COL4A4: variants seen among roughly 807,000 people sequenced by gnomAD.
COL4A4 encodes the protein collagen type IV alpha 4 chain.
COL4A4 carries 105 observed loss-of-function variants against 192.9 expected under a neutral mutation model. The observed-to-expected ratio is 0.54, with a 90% CI of 0.46 to 0.64. The LOEUF (loss-of-function observed/expected upper bound fraction) is 0.64. Among genes scored for constraint, COL4A4 ranks in the 30% least tolerant of loss-of-function variants. COL4A4 has a pLI of 0.00. For missense variants in COL4A4, 1,967 were observed against 2,169.3 expected, an observed-to-expected ratio of 0.91 and a Z score of 1.85; for synonymous variants, 762 against 769.9, an observed-to-expected ratio of 0.99 and a Z score of 0.17.
At chr2:226,974,955 G>A in the COL4A4 span, among the ~76,000 whole-genome samples, 1 of 152,184 alleles carries the variant, frequency 6.6e-6, no homozygotes, top group African/African-American at 2.4e-5. Context: ...TGGCACAGAT[G>A]AGGCCTAGTT....
At chr2:227,013,392 T>A (rs1235147020) in intron 44 of COL4A4, among the ~76,000 whole-genome samples, 2 of 152,182 alleles carry the variant, frequency 1.3e-5, no homozygotes, top group African/African-American at 4.8e-5. Context: ...TGACTGTATT[T>A]GGAGATAAGA....
At chr2:227,016,778 GC>G (rs768433921) in intron 44 of COL4A4, among the ~76,000 whole-genome samples, 2 of 152,160 alleles carry the variant, frequency 1.3e-5, no homozygotes, top group Non-Finnish European at 2.9e-5. Flanking sequence ...TGTCCGATAT[GC>G]TCCTGTTATG....
At chr2:227,096,584 T>C (rs1311730017) in intron 19 of COL4A4, among the ~76,000 whole-genome samples, 21 of 152,188 alleles carry the variant, frequency 1.4e-4, no homozygotes, top group Admixed American at 1.4e-3. Context: ...GTAGTAATAA[T>C]AGCTAATATA....
rs1443445766 is a variant in COL4A4 at position 227,008,117 on chromosome 2, C to A, written c.4710G>T (p.Glu1570Asp). 15 of 1,613,938 alleles carry A rather than the reference C, an allele frequency of 9.3e-6. No homozygotes were observed. The highest frequency in any genetic ancestry group is 8.5e-6 in the Non-Finnish European group (10 of 1,179,970). The change falls in exon 47 of 48, where the codon GAG becomes GAT. Residue 1570 changes from glutamate to aspartate, a missense_variant. Physicochemically the swap from Glu to Asp is conservative, Grantham distance 45. Transcript: ENST00000396625. Reference sequence around the variant, plus strand: ...GCACCGCCACCGCCTGGGCCGGGGCCTCGCATACCGCACAGCGGCTGACAT... The same window carrying A: ...GCACCGCCACCGCCTGGGCCGGGGCATCGCATACCGCACAGCGGCTGACAT... ...RPYVSRCAVC[E>D]APAQAVAVHS...
chr2:227,077,550 G>T (rs1401715671), intron 25 of COL4A4, among the ~76,000 whole-genome samples: 2 of 151,958 alleles, frequency 1.3e-5, no homozygotes, highest in African/African-American at 4.8e-5. Context: ...ATGCATGTGG[G>T]GCTTAAAACC....
chr2:227,037,879 A>G (rs1970008933), intron 37 of COL4A4, among the ~76,000 whole-genome samples: 1 of 152,188 alleles, frequency 6.6e-6, no homozygotes, highest in South Asian at 2.1e-4. Flanking sequence ...TTGGCCGCAT[A>G]AATGTCTTTT....
chr2:227,103,192 T>C lies in COL4A4; in HGVS notation c.822A>G (p.Ile274Met), dbSNP rs1211056075. The change falls in exon 14 of 48, where the codon ATA becomes ATG. Residue 274 changes from isoleucine (I) to methionine (M), a missense_variant. Physicochemically the swap from Ile to Met is conservative, Grantham distance 10. Coordinates refer to ENST00000396625, the MANE Select transcript of COL4A4 (RefSeq NM_000092.5). ...DFCLYKGEKG[I>M]KGIPGMVGLP... The stretch of plus-strand genomic sequence containing the variant: ...GTCCAACCATTCCAGGAATTCCTTT[T>C]ATACCCTAAAAATTACAATGAATAT... 1.2e-6 allele frequency: 2 copies of C among 1,612,402 alleles called. No homozygotes were observed. The highest frequency in any genetic ancestry group is 1.7e-6 in the Non-Finnish European group (2 of 1,178,810).
At chr2:227,164,286 C>T, upstream of COL4A4, 1 of 251,372 alleles carries the variant, frequency 4.0e-6, no homozygotes, top group Non-Finnish European at 7.7e-6. This position sits in a 1 kb window ranked among gnomAD's most constrained non-coding sequence, Gnocchi z 4.8. Flanking sequence ...ACCTCCCCAC[C>T]GCGCAGCCAC....
At chr2:226,983,448 C>T in the COL4A4 span, among the ~76,000 whole-genome samples, 1 of 152,270 alleles carries the variant, frequency 6.6e-6, no homozygotes, top group East Asian at 1.9e-4. Context: ...TAGGGGCCAG[C>T]CACCTCAATC....
At chr2:227,156,766 T>C (rs1441843570) in intron 1 of COL4A4, among the ~76,000 whole-genome samples, 3 of 152,124 alleles carry the variant, frequency 2.0e-5, no homozygotes, top group Non-Finnish European at 4.4e-5. Flanking sequence ...TTGATAATGA[T>C]TTAAAAATTA....
rs35830639 is a variant in COL4A4 at position 227,094,171 on chromosome 2, A to C, written c.1323T>G (p.Pro441=). The C allele has an allele frequency of 1.2e-6, 2 of 1,613,724 alleles. No homozygotes were observed. The highest frequency in any genetic ancestry group is 3.3e-5 in the Admixed American group (2 of 59,996). The change falls in exon 20 of 48, where the codon CCT becomes CCG. Residue 441 remains proline, a synonymous_variant. Transcript: ENST00000396625. The part of the protein sequence containing the change: ...APGKPGKPGS[P]GLPGAPGLQG... Reference sequence around the variant, plus strand: ...GCAGGCCTGGTGCTCCAGGCAAGCCAGGTGATCCTGGCTTCCCTGGTTTTC... The same window carrying C: ...GCAGGCCTGGTGCTCCAGGCAAGCCCGGTGATCCTGGCTTCCCTGGTTTTC...
At chr2:227,007,975 G>A (rs993491820) in intron 47 of COL4A4, 43 bp downstream of exon 47, 1 of 1,597,894 alleles carries the variant, frequency 6.3e-7, no homozygotes, top group Admixed American at 1.7e-5. Flanking sequence ...AAGGTGTTAG[G>A]AAATGGTGAA....
chr2:227,150,010 T>G (rs964779808), intron 1 of COL4A4, among the ~76,000 whole-genome samples: 25 of 152,224 alleles, frequency 1.6e-4, no homozygotes, highest in African/African-American at 6.0e-4. Context: ...TCTATGACAA[T>G]AGCGATTTTG....
chr2:227,109,006 G>A, intron 10 of COL4A4, 138 bp from the exon 11 acceptor site: 1 of 969,428 alleles, frequency 1.0e-6, no homozygotes, highest in Non-Finnish European at 1.7e-6. Flanking sequence ...TTTCTATCAT[G>A]GATGGGCTGT....
intron 8 of COL4A4, 23 bp downstream of exon 8, chr2:227,114,605 C>A: frequency 6.2e-7 from 1 of 1,605,102 alleles, no homozygotes; most frequent in Non-Finnish European, 8.5e-7. Context: ...AATTTTTTAA[C>A]CCATCATGAT....
intron 36 of COL4A4, 29 bp downstream of exon 36, chr2:227,043,048 G>C: frequency 6.6e-7 from 1 of 1,505,474 alleles, no homozygotes; most frequent in Non-Finnish European, 9.2e-7. Flanking sequence ...AGAGTGCTCA[G>C]GAAGTCTCCA....
At chr2:227,158,975 A>C (rs1304116603) in intron 1 of COL4A4, among the ~76,000 whole-genome samples, 1 of 152,244 alleles carries the variant, frequency 6.6e-6, no homozygotes, top group African/African-American at 2.4e-5. Flanking sequence ...CTTAAGAGAA[A>C]TGAAAATGCA....
At chr2:226,989,828 G>T in the COL4A4 span, among the ~76,000 whole-genome samples, 3 of 152,310 alleles carry the variant, frequency 2.0e-5, no homozygotes, top group East Asian at 3.9e-4. Context: ...TAAACTAGGG[G>T]CTGAGTTGAT....
At chr2:227,110,680 C>A (rs1415645198) in intron 9 of COL4A4, among the ~76,000 whole-genome samples, 2 of 94,276 alleles carry the variant, frequency 2.1e-5, no homozygotes, top group Admixed American at 1.3e-4. Flanking sequence ...CTCACCCAGT[C>A]TTTTTTTTTT....
Sources: gnomAD v4.1 joint callset for allele counts (sites outside exome capture counted in the v4.1 genomes callset) on GRCh38, gnomAD v4.1.1 for gene constraint, Gnocchi (gnomAD v3.1) non-coding constraint, MANE v1.5 for transcripts, NCBI Gene and HGNC (gene_info 2026-07-23, HGNC 2026-07-21) for gene names.